The following SBF2 variants were observed in gnomAD, a reference collection of about 807,000 sequenced individuals.
SBF2 encodes SET binding factor 2.
Under a neutral mutation model 225.2 loss-of-function variants are expected in SBF2, and 112 were observed. That is an observed-to-expected ratio of 0.50 (90% CI 0.43 to 0.58). The LOEUF is 0.58. Among genes scored for constraint, SBF2 ranks in the 20% least tolerant of loss-of-function variants. The pLI, the probability that SBF2 is intolerant of heterozygous loss-of-function variation, is 0.00. For synonymous variants in SBF2, 763 were observed against 773.3 expected (o/e 0.99, Z 0.22); for missense variants, 1,996 against 2,206.2 (o/e 0.90, Z 1.91).
chr11:10,072,413 C>T (rs1178430462), intron 2 of SBF2, among the ~76,000 whole-genome samples: 1 of 152,060 alleles, frequency 6.6e-6, no homozygotes, highest in Non-Finnish European at 1.5e-5. Context: ...AAGCTCACTA[C>T]CTTTTAAGAG....
intron 32 of SBF2, among the ~76,000 whole-genome samples, chr11:9,797,698 G>C (rs1270556161): frequency 6.6e-6 from 1 of 152,240 alleles, no homozygotes; most frequent in African/African-American, 2.4e-5. Flanking sequence ...GGCTGGGCGT[G>C]GTGGCTCACG....
At chr11:9,968,251 G>A in intron 14 of SBF2, 90 bp downstream of exon 14, 1 of 1,171,858 alleles carries the variant, frequency 8.5e-7, no homozygotes, top group African/African-American at 1.5e-5. Context: ...TGTTCACTTT[G>A]TGAAAATTCA....
At position 9,858,384 on chromosome 11, in the gene SBF2, C is replaced by T. The variant is rs1564923467; in HGVS notation, c.1942G>A (p.Gly648Arg). ...CACGTGTAAGCAAACTGGCTGACTC[C>T]AGGGGCAAGTTTCTGTGAGAACACA... ...TSAFYRKLAP[G>R]VSQFAYTCVQ... Residue 648 changes from glycine (G) to arginine (R), a missense_variant, in exon 18 of 40, where the codon GGA (glycine) becomes AGA (arginine). Gly to Arg is a moderately radical substitution (Grantham distance 125). Coordinates refer to ENST00000256190, the MANE Select transcript of SBF2 (RefSeq NM_030962.4). The T allele has an allele frequency of 6.2e-7, 1 of 1,614,132 alleles. No individual in the cohort carries two copies. Among genetic ancestry groups the T allele is most frequent in the Admixed American group, 1.7e-5 (1 of 60,022 alleles).
At position 9,896,034 on chromosome 11, in the gene SBF2, AG is replaced by A. The variant is rs750234987; in HGVS notation, c.1861-24del. On this transcript the variant is annotated intron_variant, in intron 16 of 39. Coordinates refer to ENST00000256190, the MANE Select transcript of SBF2 (RefSeq NM_030962.4). ...ATCCTTTAAGCAAAACAAAGACAAA[AG>A]AGCATTAGGATATTTACCAGAAATC... 7 of 1,580,382 alleles carry A rather than the reference AG, an allele frequency of 4.4e-6. No individual in the cohort carries two copies. In the East Asian group the frequency reaches 1.6e-4, roughly 35 times the overall value.
intron 16 of SBF2, among the ~76,000 whole-genome samples, chr11:9,901,210 T>C (rs2134153654): frequency 6.6e-6 from 1 of 152,214 alleles, no homozygotes; most frequent in Middle Eastern, 3.4e-3. Context: ...AAAATATAAG[T>C]AGAAACTTGG....
At chr11:9,874,778 A>G (rs1859076434) in intron 17 of SBF2, among the ~76,000 whole-genome samples, 1 of 152,218 alleles carries the variant, frequency 6.6e-6, no homozygotes, top group Non-Finnish European at 1.5e-5. Flanking sequence ...ATATTATTGG[A>G]TAAGTCACCT....
intron 26 of SBF2, among the ~76,000 whole-genome samples, chr11:9,836,749 A>G (rs1434011661): frequency 6.6e-6 from 1 of 152,110 alleles, no homozygotes; most frequent in African/African-American, 2.4e-5. Flanking sequence ...ATGATCTTCA[A>G]TATTGTTTTA....
chr11:10,093,223 C>A (rs1951856099), intron 2 of SBF2, among the ~76,000 whole-genome samples: 1 of 151,780 alleles, frequency 6.6e-6, no homozygotes, highest in South Asian at 2.1e-4. Context: ...CCATGTTGAC[C>A]AAGCTGGTCT....
At chr11:10,245,007 G>A (rs980074973) in intron 1 of SBF2, among the ~76,000 whole-genome samples, 2 of 151,564 alleles carry the variant, frequency 1.3e-5, no homozygotes, top group African/African-American at 4.9e-5. Flanking sequence ...GGTGGCACAC[G>A]CAGGTAGTCC....
At chr11:10,112,754 C>CT (rs1952936784) in intron 2 of SBF2, among the ~76,000 whole-genome samples, 1 of 152,052 alleles carries the variant, frequency 6.6e-6, no homozygotes, top group Non-Finnish European at 1.5e-5. Context: ...TGACACAGCT[C>CT]TTTAAATTAT....
intron 16 of SBF2, among the ~76,000 whole-genome samples, chr11:9,902,334 C>T (rs1382544467): frequency 2.0e-5 from 3 of 152,174 alleles, no homozygotes; most frequent in African/African-American, 7.2e-5. Flanking sequence ...AGTATTTATA[C>T]AAAGCTTAAC....
intron 1 of SBF2, among the ~76,000 whole-genome samples, chr11:10,278,077 C>T (rs115293112): frequency 3.2e-4 from 49 of 152,304 alleles, no homozygotes; most frequent in African/African-American, 1.1e-3. Context: ...AAGACCCAAA[C>T]TTTTTTATCT....
At chr11:10,098,505 C>T (rs1033950012) in intron 2 of SBF2, among the ~76,000 whole-genome samples, 1 of 150,156 alleles carries the variant, frequency 6.7e-6, no homozygotes, top group East Asian at 2.0e-4. Context: ...AATATGATAC[C>T]ACCAAAGAAA....
intron 9 of SBF2, among the ~76,000 whole-genome samples, chr11:9,995,286 C>G (rs1432219262): frequency 6.6e-6 from 1 of 152,176 alleles, no homozygotes; most frequent in Non-Finnish European, 1.5e-5. Context: ...AGGACTTGCA[C>G]AGAGAAGATG....
At chr11:10,139,811 A>AATGT (rs1236983942) in intron 2 of SBF2, among the ~76,000 whole-genome samples, 1 of 152,172 alleles carries the variant, frequency 6.6e-6, no homozygotes, top group Non-Finnish European at 1.5e-5. Context: ...ATCAACAGAA[A>AATGT]ATGTCAGCCT....
chr11:9,970,341 G>C (rs765240388), intron 13 of SBF2, among the ~76,000 whole-genome samples: 1 of 151,976 alleles, frequency 6.6e-6, no homozygotes, highest in Non-Finnish European at 1.5e-5. Flanking sequence ...CGAGGAGCTG[G>C]GACAACAGGG....
intron 16 of SBF2, among the ~76,000 whole-genome samples, chr11:9,930,750 G>A (rs1035738181): frequency 6.6e-6 from 1 of 152,208 alleles, no homozygotes. Flanking sequence ...GGACTGGTTG[G>A]ACAGTGGGTG....
chr11:10,290,105 T>G (rs1309471469), intron 1 of SBF2, among the ~76,000 whole-genome samples: 1 of 152,202 alleles, frequency 6.6e-6, no homozygotes, highest in Non-Finnish European at 1.5e-5. Flanking sequence ...ATTCTACAAT[T>G]TATACAAGCT....
In SBF2 at chr11:9,858,302, T is replaced by A. The variant is rs375407366; in HGVS notation, c.2024A>T (p.Asn675Ile). Residue 675 changes from asparagine (N) to isoleucine (I), a missense_variant, in exon 18 of 40, where the codon AAT (asparagine) becomes ATT (isoleucine). Coordinates refer to ENST00000256190, the MANE Select transcript of SBF2 (RefSeq NM_030962.4). ...GGAGCGAACCTGTTCCTGCACTGCA[T>A]TGTAAAAGGTTGTCTCCCAAAATTG... The part of the protein sequence containing the change: ...NQQFWETTFY[N>I]AVQEQVRSLY... 1 of 1,614,192 alleles carries A rather than the reference T, an allele frequency of 6.2e-7. No individual in the cohort carries two copies. The highest frequency in any genetic ancestry group is 8.5e-7 in the Non-Finnish European group (1 of 1,180,012).
Sources: allele counts gnomAD v4.1 joint callset (sites outside exome capture counted in the v4.1 genomes callset), GRCh38; gene constraint gnomAD v4.1.1; transcripts MANE v1.5; gene names NCBI Gene and HGNC (gene_info 2026-07-23, HGNC 2026-07-21).